The following ASIC2 variants were observed in gnomAD, a reference collection of about 807,000 sequenced individuals.
ASIC2 encodes the protein acid-sensing ion channel 2.
A neutral mutation model predicts 57.3 loss-of-function variants in ASIC2; 25 were observed. The ratio of observed to expected loss-of-function variants is 0.44; its 90% CI spans 0.32 to 0.61. The LOEUF (loss-of-function observed/expected upper bound fraction) is 0.61, where lower values mean the gene tolerates loss of function less well. Among genes scored for constraint, ASIC2 ranks in the 20% least tolerant of loss-of-function variants. The pLI is 0.06. For synonymous variants in ASIC2, 319 were observed against 307.5 expected (o/e 1.04, Z -0.39); for missense variants, 641 against 738.1 (o/e 0.87, Z 1.52).
chr17:33,238,936 G>A (rs546137354), intron 1 of ASIC2, among the ~76,000 whole-genome samples: 31 of 152,162 alleles, frequency 2.0e-4, no homozygotes, highest in African/African-American at 7.5e-4. Context: ...CCTGGGAGGC[G>A]GAGGTTGCAG....
intron 1 of ASIC2, among the ~76,000 whole-genome samples, chr17:33,624,779 G>T (rs1905919432): frequency 6.6e-6 from 1 of 152,188 alleles, no homozygotes; most frequent in African/African-American, 2.4e-5. Flanking sequence ...GAAGATGGTT[G>T]CTTATCATAG....
intron 1 of ASIC2, among the ~76,000 whole-genome samples, chr17:33,960,774 C>A (rs554633201): frequency 1.3e-5 from 2 of 152,248 alleles, no homozygotes; most frequent in Admixed American, 1.3e-4. Context: ...TAAAACTCAC[C>A]CCATCACTGC....
At chr17:33,422,166 A>G (rs1315222149) in intron 1 of ASIC2, among the ~76,000 whole-genome samples, 2 of 152,190 alleles carry the variant, frequency 1.3e-5, no homozygotes. Context: ...ATGCCATTTT[A>G]ATGGCAATAC....
intron 1 of ASIC2, among the ~76,000 whole-genome samples, chr17:33,214,366 G>A (rs1907394832): frequency 6.6e-6 from 1 of 152,164 alleles, no homozygotes; most frequent in Non-Finnish European, 1.5e-5. Flanking sequence ...CTTCTCAGTG[G>A]CTGCAGCCTC....
rs529902486 is a variant in ASIC2 at position 33,889,289 on chromosome 17, A to G, written c.555+266689T>C. On this transcript the variant is annotated intron_variant, in intron 1 of 9. Transcript: ENST00000359872. Reference sequence around the variant, plus strand: ...CCCAGAGATAGGAAATGACTTCCCTAAAGTCACGGTTGCTACTTGAAACTC... The same window carrying G: ...CCCAGAGATAGGAAATGACTTCCCTGAAGTCACGGTTGCTACTTGAAACTC... Among the ~76,000 whole-genome samples the G allele has an allele frequency of 3.3e-5, 5 of 152,308 alleles. No homozygotes were observed. In the East Asian group the frequency reaches 7.7e-4, roughly 24 times the overall value.
intron 1 of ASIC2, among the ~76,000 whole-genome samples, chr17:33,743,586 C>G (rs1479182040): frequency 6.6e-6 from 1 of 152,234 alleles, no homozygotes; most frequent in Non-Finnish European, 1.5e-5. Context: ...ACAGGTGAGC[C>G]TCCTCTGACC....
chr17:33,322,494 T>C (rs866412982), intron 1 of ASIC2, among the ~76,000 whole-genome samples: 6 of 152,178 alleles, frequency 3.9e-5, no homozygotes, highest in Non-Finnish European at 8.8e-5. Flanking sequence ...AATCCACCGA[T>C]AGGTACAAGA....
At chr17:33,529,543 C>A (rs762612375) in intron 1 of ASIC2, among the ~76,000 whole-genome samples, 9 of 152,196 alleles carry the variant, frequency 5.9e-5, no homozygotes, top group Non-Finnish European at 8.8e-5. Flanking sequence ...GTTTGAGAAG[C>A]AATAGTTTAG....
intron 5 of ASIC2, 75 bp from the exon 6 acceptor site, chr17:33,024,089 G>A (rs1448591312): frequency 5.1e-6 from 8 of 1,578,604 alleles, no homozygotes; most frequent in Non-Finnish European, 6.9e-6. Flanking sequence ...TAGCTGGATT[G>A]TAGCAGCTGA....
intron 1 of ASIC2, among the ~76,000 whole-genome samples, chr17:33,668,131 G>T (rs1907534883): frequency 6.6e-6 from 1 of 152,258 alleles, no homozygotes; most frequent in Admixed American, 6.5e-5. Flanking sequence ...TCCACCCTGT[G>T]CCTGCCCACA....
chr17:33,990,067 ATG>A (rs1045014149), intron 1 of ASIC2, among the ~76,000 whole-genome samples: 32 of 152,214 alleles, frequency 2.1e-4, no homozygotes, highest in African/African-American at 7.2e-4. Context: ...ATGCAAAAGA[ATG>A]AGAGAAGAAG....
intron 1 of ASIC2, among the ~76,000 whole-genome samples, chr17:33,198,061 C>T (rs1217175604): frequency 1.3e-5 from 2 of 152,152 alleles, no homozygotes; most frequent in Admixed American, 1.3e-4. Context: ...TTAAAACTAA[C>T]ATCATAGACT....
chr17:33,412,552 A>G (rs1477595863), intron 1 of ASIC2, among the ~76,000 whole-genome samples: 1 of 152,242 alleles, frequency 6.6e-6, no homozygotes, highest in Non-Finnish European at 1.5e-5. Flanking sequence ...ACAGAGAAGG[A>G]GAGGCACAGT....
intron 1 of ASIC2, among the ~76,000 whole-genome samples, chr17:33,493,492 C>T (rs1913825684): frequency 6.6e-6 from 1 of 152,166 alleles, no homozygotes; most frequent in Admixed American, 6.5e-5. Flanking sequence ...GCTTCCATAG[C>T]TTTTCCTTTC....
At chr17:33,109,494 G>A (rs757979047) in intron 2 of ASIC2, among the ~76,000 whole-genome samples, 4 of 152,120 alleles carry the variant, frequency 2.6e-5, no homozygotes, top group Non-Finnish European at 5.9e-5. Flanking sequence ...AAAGGAAATC[G>A]TCTAAGTGAG....
chr17:33,151,202 C>T (rs1214479715), intron 1 of ASIC2, among the ~76,000 whole-genome samples: 13 of 134,872 alleles, frequency 9.6e-5, no homozygotes, highest in East Asian at 2.3e-4. Context: ...CACACACACG[C>T]GCGCACACAC....
intron 1 of ASIC2, among the ~76,000 whole-genome samples, chr17:33,835,282 C>T (rs1291782520): frequency 2.6e-5 from 4 of 152,194 alleles, no homozygotes; most frequent in African/African-American, 9.7e-5. Context: ...CAATGCAAAC[C>T]TCTTCCAACT....
chr17:33,496,703 C>T (rs1254558470), intron 1 of ASIC2, among the ~76,000 whole-genome samples: 19 of 148,712 alleles, frequency 1.3e-4, no homozygotes, highest in South Asian at 2.1e-4. Context: ...TTGCAACCTC[C>T]GCCTCCTGGG....
At chr17:33,034,508 A>G (rs1051527502) in intron 3 of ASIC2, among the ~76,000 whole-genome samples, 2 of 152,144 alleles carry the variant, frequency 1.3e-5, no homozygotes, top group South Asian at 4.1e-4. Flanking sequence ...AAACAAACAA[A>G]CAAATAAACA....
Sources: allele counts gnomAD v4.1 joint callset (sites outside exome capture counted in the v4.1 genomes callset), GRCh38; gene constraint gnomAD v4.1.1; transcripts MANE v1.5; gene names NCBI Gene and HGNC (gene_info 2026-07-23, HGNC 2026-07-21).